The following F7 variants were observed in gnomAD, a reference collection of about 807,000 sequenced individuals.
F7 encodes the protein FVII coagulation protein.
In F7, 38 loss-of-function variants were observed where a neutral mutation model predicts 47.5. The ratio of observed to expected loss-of-function variants is 0.80; its 90% CI spans 0.62 to 1.05. The LOEUF (loss-of-function observed/expected upper bound fraction) is 1.05. F7 is among the 50% of genes least tolerant of loss of function. The probability of loss-of-function intolerance (pLI) is 0.00; values close to 1 mark genes in which losing one functional copy is unlikely to be tolerated. For missense variants in F7, 575 were observed against 605.4 expected (o/e 0.95, Z 0.53); for synonymous variants, 244 against 258.5 (o/e 0.94, Z 0.54).
At chr13:113,118,285 A>T (rs1445093306) in intron 7 of F7, 128 bp from the exon 8 acceptor site, 10 of 1,069,206 alleles carry the variant, frequency 9.4e-6, no homozygotes, top group Non-Finnish European at 2.7e-6. Context: ...GGTTAGATGC[A>T]GGTCCCCTTG....
At chr13:113,110,115 C>T (rs551034042) in intron 1 of F7, among the ~76,000 whole-genome samples, 1 of 152,032 alleles carries the variant, frequency 6.6e-6, no homozygotes, top group Non-Finnish European at 1.5e-5. Context: ...CAAGCGGAGG[C>T]GGGGAAGGCG....
rs749928438 is a variant in F7 at position 113,117,588 on chromosome 13, C to T, written c.731C>T (p.Ala244Val). The T allele has an allele frequency of 1.0e-5, 16 of 1,602,556 alleles. No homozygotes were observed. Among genetic ancestry groups the T allele is most frequent in the South Asian group, 2.2e-5 (2 of 90,928 alleles). Residue 244 changes from alanine (A) to valine (V), a missense_variant, in exon 7 of 8, where the codon GCG (alanine) becomes GTG (valine). Coordinates refer to ENST00000346342, the MANE Select transcript of F7 (RefSeq NM_019616.4). ...ATCAAGAACTGGAGGAACCTGATCG[C>T]GGTGCTGGGTGGGTACCACTCTCCC... ...DKIKNWRNLI[A>V]VLGEHDLSEH...
rs181651828 is a variant in F7 at position 113,107,914 on chromosome 13, C to T, written c.64+2009C>T. 5.3e-3 allele frequency among the ~76,000 whole-genome samples: 429 copies of T among 81,074 alleles called. 27 individuals carry two copies. The highest frequency in any genetic ancestry group is 0.018 in the African/African-American group (400 of 22,146). 53.2% of individuals were successfully genotyped at this position (81,074 alleles called of 152,430 possible). ...GAGGGTATCCCAGAAGTGTGAGTGT[C>T]CCAGGGGCGTGGGTGTCCCGGGGGT... On this transcript the variant is annotated intron_variant, in intron 1 of 7. Coordinates refer to ENST00000346342, the MANE Select transcript of F7 (RefSeq NM_019616.4).
In F7 at chr13:113,110,674, A is replaced by C. The variant is rs764065087; in HGVS notation, c.65-16A>C. ...GGGGCACGCGGTGGGCGCTTCACGG[A>C]ACTCGCATTTCCCAGTCTTCGTAAC... On this transcript the variant is annotated splice_polypyrimidine_tract_variant and intron_variant, in intron 1 of 7. Transcript: ENST00000346342. 6.5e-7 allele frequency: 1 copy of C among 1,547,498 alleles called. No homozygotes were observed. The highest frequency in any genetic ancestry group is 1.4e-5 in the African/African-American group (1 of 72,828).
chr13:113,105,971 C>G lies in F7; in HGVS notation c.64+66C>G, dbSNP rs1456052733. 2.1e-6 allele frequency: 3 copies of G among 1,450,362 alleles called. No homozygotes were observed. In the East Asian group the frequency reaches 7.4e-5, roughly 36 times the overall value. The allele number at this position is 1,450,362 out of a possible 1,614,324, so 89.8% of individuals were successfully genotyped here. ...GCAGTGGGCAAATCCAGGAGCCAGC[C>G]CGGGCTTCCCAAACCCCGCCCTTGC... On this transcript the variant is annotated intron_variant, in intron 1 of 7. Transcript: ENST00000346342.
intron 1 of F7, among the ~76,000 whole-genome samples, chr13:113,107,327 T>C (rs1343866825): frequency 9.8e-4 from 58 of 58,916 alleles, no homozygotes; most frequent in Non-Finnish European, 1.3e-3. Flanking sequence ...GTCCCGGGAG[T>C]GTGGGTGTCC....
intron 6 of F7, 118 bp downstream of exon 6, chr13:113,116,993 A>C (rs1297475761): frequency 1.2e-6 from 1 of 826,746 alleles, no homozygotes; most frequent in African/African-American, 1.7e-5. Context: ...CCAGGCTCCA[A>C]GTCAGCACAC....
In F7 at chr13:113,115,970, C is replaced by T. The variant is rs550516117; in HGVS notation, c.505+170C>T. On this transcript the variant is annotated intron_variant, in intron 5 of 7. Coordinates refer to ENST00000346342, the MANE Select transcript of F7 (RefSeq NM_019616.4). The stretch of plus-strand genomic sequence containing the variant: ...GCACCAAGGGTGGCACAGGCCAGAG[C>T]GACAGTGACTAGGATGGGCACCCTG... Among the ~76,000 whole-genome samples, 11 of 152,314 alleles carry T rather than the reference C, an allele frequency of 7.2e-5. No individual in the cohort carries two copies. The East Asian group carries it at 1.9e-3, about 27-fold the overall frequency.
intron 2 of F7, among the ~76,000 whole-genome samples, chr13:113,111,090 C>G (rs2036084915): frequency 6.6e-6 from 1 of 152,222 alleles, no homozygotes; most frequent in African/African-American, 2.4e-5. Context: ...TGCCGGTTTT[C>G]ACATCAGAAA....
chr13:113,113,829 C>T lies in F7; in HGVS notation c.251-18C>T, dbSNP rs747937888. The T allele has an allele frequency of 3.7e-6, 6 of 1,614,208 alleles. No individual in the cohort carries two copies. The highest frequency in any genetic ancestry group is 4.2e-6 in the Non-Finnish European group (5 of 1,180,044). On this transcript the variant is annotated intron_variant, in intron 3 of 7. Transcript: ENST00000346342. This position sits in a 1 kb window ranked among gnomAD's most constrained non-coding sequence, Gnocchi z 4.1. ...CCTGCAACCCTTCTCAGCTTACTGA[C>T]ACCAGCCCACTCCACAGATGGGGAC...
rs1006776763 is a variant in F7, at chr13:113,118,394, G to A, written c.740-19G>A. On this transcript the variant is annotated intron_variant, in intron 7 of 7. Coordinates refer to ENST00000346342, the MANE Select transcript of F7 (RefSeq NM_019616.4). ...TGGCAGGTGGTGGAAAGGGCCTGAG[G>A]GGGGCTTCTTCCTTCCAGGCGAGCA... The A allele has an allele frequency of 3.8e-6, 6 of 1,580,850 alleles. No individual in the cohort carries two copies. Among genetic ancestry groups the A allele is most frequent in the South Asian group, 2.3e-5 (2 of 88,290 alleles).
chr13:113,115,614 C>T (rs1488628158), intron 4 of F7, 46 bp from the exon 5 acceptor site: 1 of 1,601,346 alleles, frequency 6.2e-7, no homozygotes, highest in Non-Finnish European at 8.5e-7. Flanking sequence ...CTGGCTCTCG[C>T]TGACCCCCAG....
intron 2 of F7, among the ~76,000 whole-genome samples, chr13:113,112,516 C>T (rs896461947): frequency 2.0e-5 from 3 of 147,590 alleles, no homozygotes; most frequent in Admixed American, 6.8e-5. Context: ...CAGATCATCT[C>T]ATTCTCACAG....
intron 1 of F7, chr13:113,106,746 C>A: frequency 1.9e-6 from 2 of 1,067,744 alleles, no homozygotes; most frequent in Non-Finnish European, 1.3e-6. Flanking sequence ...GTGGGGATGG[C>A]GAGTGGGGGG....
chr13:113,108,581 G>A (rs1595069455), intron 1 of F7, among the ~76,000 whole-genome samples: 2 of 69,718 alleles, frequency 2.9e-5, no homozygotes, highest in East Asian at 6.2e-4. Flanking sequence ...TGGGTGTCCC[G>A]GGAGTGTGGG....
intron 4 of F7, 50 bp downstream of exon 4, chr13:113,114,010 G>C: frequency 6.2e-7 from 1 of 1,606,058 alleles, no homozygotes; most frequent in Non-Finnish European, 8.5e-7. Context: ...TGGGGAGCTG[G>C]TGGAGGTGGC....
chr13:113,119,304 G>A lies in F7; in HGVS notation c.*296G>A, dbSNP rs1385440213. ...AGAGGCAGACAGGCGCTGGACAGAG[G>A]GGCAGGGGAGTGCCAAGGTTGTCCT... is the stretch of plus-strand genomic sequence containing the variant. On this transcript the variant is annotated 3_prime_UTR_variant, in exon 8 of 8. Transcript: ENST00000346342. 2.3e-6 allele frequency: 1 copy of A among 439,608 alleles called. No homozygotes were observed. The highest frequency in any genetic ancestry group is 4.1e-5 in the East Asian group (1 of 24,658). 27.2% of individuals were successfully genotyped at this position (439,608 alleles called of 1,614,324 possible).
rs571683166 is a variant in F7, at chr13:113,109,157, C to T, written c.65-1533C>T. 1.4e-3 allele frequency among the ~76,000 whole-genome samples: 191 copies of T among 135,482 alleles called. 1 individual carries two copies. Among genetic ancestry groups the T allele is most frequent in the Non-Finnish European group, 2.4e-3 (151 of 62,294 alleles). The allele number at this position is 135,482 out of a possible 152,430, so 88.9% of individuals were successfully genotyped here. A position where few individuals can be genotyped will look rare whatever the true frequency, so the allele number is the denominator to read the frequency against. On this transcript the variant is annotated intron_variant, in intron 1 of 7. Coordinates refer to ENST00000346342, the MANE Select transcript of F7 (RefSeq NM_019616.4). ...GTGGGTGTCCCGGGAGTGTGGGTGT[C>T]CCGGGGGCGTGGGTATCCCAGAAGT...
chr13:113,108,326 G>A (rs375906918), intron 1 of F7, among the ~76,000 whole-genome samples: 4 of 94,420 alleles, frequency 4.2e-5, no homozygotes, highest in Admixed American at 1.0e-4. Context: ...AGGGTGTCCC[G>A]GGAGTGTGGG....
Sources: allele counts gnomAD v4.1 joint callset (sites outside exome capture counted in the v4.1 genomes callset), GRCh38; gene constraint gnomAD v4.1.1; non-coding constraint Gnocchi (gnomAD v3.1); transcripts MANE v1.5; gene names NCBI Gene and HGNC (gene_info 2026-07-23, HGNC 2026-07-21).